The following CPS1 variants were observed in gnomAD, a reference collection of about 807,000 sequenced individuals.
CPS1 encodes carbamoyl-phosphate synthase [ammonia], mitochondrial.
In CPS1, 109 loss-of-function variants were observed where a neutral mutation model predicts 174.6. The ratio of observed to expected loss-of-function variants is 0.62; its 90% CI spans 0.53 to 0.73. The LOEUF is 0.73. CPS1 is among the 30% of genes least tolerant of loss of function. The probability of loss-of-function intolerance (pLI) is 0.00; values close to 1 mark genes in which losing one functional copy is unlikely to be tolerated. For missense variants in CPS1, 1,689 were observed against 1,821.9 expected (o/e 0.93, Z 1.33); for synonymous variants, 637 against 632.0 (o/e 1.01, Z -0.12).
rs372122834 is a variant in CPS1 at position 210,675,253 on chromosome 2, GT to G, written c.4161+296del. Among the ~76,000 whole-genome samples, 34 of 151,880 alleles carry G rather than the reference GT, an allele frequency of 2.2e-4. No individual in the cohort carries two copies. In the South Asian group the frequency reaches 6.8e-3, roughly 31 times the overall value. ...ATTTCCATATGTTTTTCCTTTTTTT[GT>G]TTTCATATGAGGTTATAGATTCTAG... On this transcript the variant is annotated intron_variant, in intron 35 of 37. Coordinates refer to ENST00000233072, the MANE Select transcript of CPS1 (RefSeq NM_001875.5).
intron 1 of CPS1, among the ~76,000 whole-genome samples, chr2:210,537,527 G>A (rs757055773): frequency 3.9e-5 from 6 of 152,170 alleles, no homozygotes; most frequent in South Asian, 2.1e-4. Flanking sequence ...TGACATACCC[G>A]AATGCTTTCT....
At chr2:210,646,103 T>A (rs929610984) in intron 25 of CPS1, among the ~76,000 whole-genome samples, 1 of 152,204 alleles carries the variant, frequency 6.6e-6, no homozygotes, top group African/African-American at 2.4e-5. Context: ...CTATTTAGTC[T>A]AATTGACTCA....
intron 1 of CPS1, among the ~76,000 whole-genome samples, chr2:210,497,835 G>GAA (rs1353055830): frequency 6.8e-6 from 1 of 147,114 alleles, no homozygotes; most frequent in Non-Finnish European, 1.5e-5. Flanking sequence ...CTATTCTGAA[G>GAA]AGTGCTGCAA....
rs576390370 is a variant in CPS1 at position 210,505,475 on chromosome 2, C to T, written c.3+27709C>T. Among the ~76,000 whole-genome samples, 85 of 152,154 alleles carry T rather than the reference C, an allele frequency of 5.6e-4. 1 individual carries two copies. The highest frequency in any genetic ancestry group is 1.7e-3 in the Admixed American group (26 of 15,284). Reference sequence around the variant, plus strand: ...CTCCCGGCGTGAGCGACACAGAAGACGAATGATTTCTGCATTTCCAACTGA... The same window carrying T: ...CTCCCGGCGTGAGCGACACAGAAGATGAATGATTTCTGCATTTCCAACTGA... On this transcript the variant is annotated intron_variant, in intron 1 of 38. Transcript: ENST00000430249.
intron 1 of CPS1, among the ~76,000 whole-genome samples, chr2:210,517,850 G>A (rs1291767472): frequency 1.3e-5 from 2 of 151,926 alleles, no homozygotes; most frequent in Non-Finnish European, 2.9e-5. Flanking sequence ...GTTTGAACTG[G>A]CCAACCAAAC....
rs556487628 is a variant in CPS1 at position 210,605,065 on chromosome 2, T to C, written c.1837-37T>C. 368 of 1,610,524 alleles carry C rather than the reference T, an allele frequency of 2.3e-4. 5 individuals carry two copies. The South Asian group carries it at 3.4e-3, about 15-fold the overall frequency. ...ATATCCTTGTTGAAGCCAGTGCTTT[T>C]TCTTACTCTTTGATATCTTTTGTCA... On this transcript the variant is annotated intron_variant, in intron 16 of 37. Coordinates refer to ENST00000233072, the MANE Select transcript of CPS1 (RefSeq NM_001875.5).
At chr2:210,613,069 C>T (rs888867993) in intron 20 of CPS1, among the ~76,000 whole-genome samples, 1 of 151,878 alleles carries the variant, frequency 6.6e-6, no homozygotes, top group African/African-American at 2.4e-5. Flanking sequence ...TATCAAACCG[C>T]ACTGGTTCTA....
chr2:210,590,394 C>A (rs1380256866), intron 8 of CPS1, among the ~76,000 whole-genome samples, 160 bp downstream of exon 8: 2 of 151,960 alleles, frequency 1.3e-5, no homozygotes, highest in Non-Finnish European at 2.9e-5. Context: ...TGTAGGGGAA[C>A]CAATGAGGAG....
chr2:210,547,195 T>C (rs1346383800), intron 1 of CPS1, among the ~76,000 whole-genome samples: 1 of 152,144 alleles, frequency 6.6e-6, no homozygotes, highest in African/African-American at 2.4e-5. Context: ...TTGACATATT[T>C]GCTATTTTAT....
chr2:210,538,134 T>G (rs1696308276), intron 1 of CPS1, among the ~76,000 whole-genome samples: 1 of 152,174 alleles, frequency 6.6e-6, no homozygotes, highest in Non-Finnish European at 1.5e-5. Context: ...AATAGGAATA[T>G]AGGTTGTATA....
chr2:210,671,392 A>G (rs1268039348), intron 34 of CPS1, among the ~76,000 whole-genome samples: 2 of 152,234 alleles, frequency 1.3e-5, no homozygotes, highest in African/African-American at 4.8e-5. Flanking sequence ...CAGGCATCAC[A>G]TAGTATTAAC....
chr2:210,621,492 C>T (rs1699526100), intron 21 of CPS1, among the ~76,000 whole-genome samples: 1 of 152,068 alleles, frequency 6.6e-6, no homozygotes, highest in Non-Finnish European at 1.5e-5. Context: ...GTCTATTTTT[C>T]CCATACTCAC....
At chr2:210,504,304 C>A (rs540412582) in intron 1 of CPS1, among the ~76,000 whole-genome samples, 1 of 152,196 alleles carries the variant, frequency 6.6e-6, no homozygotes, top group African/African-American at 2.4e-5. Flanking sequence ...CAAATAAAAC[C>A]CCACAAACAA....
chr2:210,648,442 A>C, intron 26 of CPS1, 31 bp from the exon 27 acceptor site: 3 of 1,556,956 alleles, frequency 1.9e-6, no homozygotes, highest in Non-Finnish European at 2.7e-6. Context: ...TAAACTACTC[A>C]TACATTTTTA....
At chr2:210,487,499 C>T (rs1694762155) in intron 1 of CPS1, among the ~76,000 whole-genome samples, 1 of 152,182 alleles carries the variant, frequency 6.6e-6, no homozygotes, top group African/African-American at 2.4e-5. Context: ...TTGTCTAAGC[C>T]TGCATTTGCA....
intron 21 of CPS1, among the ~76,000 whole-genome samples, chr2:210,625,566 G>T (rs554812497): frequency 6.6e-6 from 1 of 152,012 alleles, no homozygotes; most frequent in African/African-American, 2.4e-5. Context: ...CAGGTTTTGA[G>T]TTCAGAAATC....
intron 20 of CPS1, among the ~76,000 whole-genome samples, chr2:210,613,548 T>C (rs915915381): frequency 6.6e-6 from 1 of 151,578 alleles, no homozygotes; most frequent in Non-Finnish European, 1.5e-5. Context: ...AAGCAGCTCA[T>C]GACATTCATA....
chr2:210,498,537 A>G (rs933953725), intron 1 of CPS1, among the ~76,000 whole-genome samples: 1 of 152,150 alleles, frequency 6.6e-6, no homozygotes, highest in Non-Finnish European at 1.5e-5. Flanking sequence ...GTTATTTATC[A>G]GTTCCAGGAG....
At chr2:210,535,843 A>ATGAC (rs938153468) in intron 1 of CPS1, among the ~76,000 whole-genome samples, 6 of 95,648 alleles carry the variant, frequency 6.3e-5, no homozygotes, top group Non-Finnish European at 1.0e-4. Context: ...TTTTTTTGAT[A>ATGAC]ATGACATTGA....
Sources: allele counts gnomAD v4.1 joint callset (sites outside exome capture counted in the v4.1 genomes callset), GRCh38; gene constraint gnomAD v4.1.1; transcripts MANE v1.5; gene names NCBI Gene and HGNC (gene_info 2026-07-23, HGNC 2026-07-21).